The following UBE3C variants were observed in gnomAD, a reference collection of about 807,000 sequenced individuals.
The protein encoded by UBE3C is ubiquitin protein ligase E3C, also known as ubiquitin-protein ligase E3C.
A neutral mutation model predicts 129.4 loss-of-function variants in UBE3C; 42 were observed. The observed-to-expected ratio is 0.32, with a 90% CI of 0.25 to 0.42. UBE3C has a LOEUF of 0.42. UBE3C is among the 10% of genes least tolerant of loss of function. UBE3C has a pLI of 1.00. For missense variants in UBE3C, 1,049 were observed against 1,319.1 expected (o/e 0.80, Z 3.17); for synonymous variants, 510 against 492.4 (o/e 1.04, Z -0.47).
chr7:157,213,075 T>A (rs1346046884), intron 13 of UBE3C, among the ~76,000 whole-genome samples: 3 of 152,200 alleles, frequency 2.0e-5, no homozygotes, highest in African/African-American at 7.2e-5. Context: ...CATTTCTGAA[T>A]AAATTTATTA....
At chr7:157,174,725 T>A (rs1164108024) in intron 4 of UBE3C, among the ~76,000 whole-genome samples, 194 bp from the exon 5 acceptor site, 3 of 152,190 alleles carry the variant, frequency 2.0e-5, no homozygotes, top group Admixed American at 6.5e-5. Context: ...GTTACAGACG[T>A]GAACCACTGT....
At chr7:157,209,814 G>A (rs2117014676) in intron 13 of UBE3C, among the ~76,000 whole-genome samples, 1 of 152,344 alleles carries the variant, frequency 6.6e-6, no homozygotes, top group Middle Eastern at 3.4e-3. Context: ...AGCGTTAAAT[G>A]AAAAGTTTGT....
chr7:157,211,167 GGAGAGAGA>G (rs3039783), intron 13 of UBE3C, among the ~76,000 whole-genome samples: 7 of 137,082 alleles, frequency 5.1e-5, no homozygotes, highest in South Asian at 2.3e-4. Flanking sequence ...CCATATGTCT[GGAGAGAGA>G]GAGAGAGAGA....
chr7:157,201,397 T>C (rs1214395212), intron 10 of UBE3C, among the ~76,000 whole-genome samples: 1 of 151,468 alleles, frequency 6.6e-6, no homozygotes, highest in East Asian at 1.9e-4. Context: ...TAATACGATA[T>C]GTAGCAGAGG....
chr7:157,188,917 C>A, intron 10 of UBE3C: 1 of 648,672 alleles, frequency 1.5e-6, no homozygotes, highest in Non-Finnish European at 2.8e-6. Flanking sequence ...TTAGGATTTG[C>A]CATTTAATTT....
chr7:157,166,512 A>C (rs1206753333), intron 2 of UBE3C, among the ~76,000 whole-genome samples: 1 of 152,114 alleles, frequency 6.6e-6, no homozygotes, highest in Non-Finnish European at 1.5e-5. Context: ...AGGCCGAGGC[A>C]GGCCGATCAC....
intron 13 of UBE3C, among the ~76,000 whole-genome samples, chr7:157,214,157 T>C (rs143453980): frequency 1.3e-5 from 2 of 152,292 alleles, no homozygotes; most frequent in African/African-American, 4.8e-5. Flanking sequence ...GGTACTGGCA[T>C]GTTATATTGG....
intron 11 of UBE3C, among the ~76,000 whole-genome samples, chr7:157,206,877 A>G (rs887253076): frequency 1.3e-5 from 2 of 152,236 alleles, no homozygotes; most frequent in African/African-American, 4.8e-5. Context: ...AGTGGGAGCA[A>G]GGCCACCATA....
At chr7:157,175,275 G>A (rs909589154) in intron 5 of UBE3C, among the ~76,000 whole-genome samples, 4 of 150,702 alleles carry the variant, frequency 2.7e-5, no homozygotes, top group African/African-American at 7.3e-5. Flanking sequence ...TTTCACGGAT[G>A]CCTTTGAATT....
chr7:157,198,127 C>G (rs1258596023), intron 10 of UBE3C: 2 of 1,612,768 alleles, frequency 1.2e-6, no homozygotes, highest in East Asian at 4.5e-5. Flanking sequence ...AATTCTCCAT[C>G]ATCTAAACTG....
At position 157,171,714 on chromosome 7, in the gene UBE3C, T is replaced by A. The variant is rs1808383267; in HGVS notation, c.342+1264T>A. Among the ~76,000 whole-genome samples, 6 of 84,924 alleles carry A rather than the reference T, an allele frequency of 7.1e-5. 1 individual carries two copies. Among genetic ancestry groups the A allele is most frequent in the Non-Finnish European group, 1.1e-4 (5 of 47,086 alleles). 55.7% of individuals were successfully genotyped at this position (84,924 alleles called of 152,430 possible). On this transcript the variant is annotated intron_variant, in intron 4 of 22. Transcript: ENST00000348165. Reference sequence around the variant, plus strand: ...TTTTTTTTTTTTTTTTTTTTTTTTTTTTTTTTTTTTGAGACAGAGTCTTGC... The same window carrying A: ...TTTTTTTTTTTTTTTTTTTTTTTTTATTTTTTTTTTGAGACAGAGTCTTGC...
At chr7:157,229,361 C>A (rs1795960100) in intron 17 of UBE3C, among the ~76,000 whole-genome samples, 1 of 152,210 alleles carries the variant, frequency 6.6e-6, no homozygotes, top group East Asian at 1.9e-4. Flanking sequence ...GTTGCCCAGG[C>A]TGGAGTGCAA....
At chr7:157,263,434 C>T (rs1449195625) in intron 22 of UBE3C, among the ~76,000 whole-genome samples, 1 of 152,098 alleles carries the variant, frequency 6.6e-6, no homozygotes, top group Non-Finnish European at 1.5e-5. Flanking sequence ...GAGGCTGAGG[C>T]GGGCGGATCA....
intron 10 of UBE3C, among the ~76,000 whole-genome samples, chr7:157,195,092 AG>A (rs1220755422): frequency 6.6e-6 from 1 of 152,262 alleles, no homozygotes; most frequent in Non-Finnish European, 1.5e-5. Flanking sequence ...CTAATACTTC[AG>A]AAACATCAAA....
At position 157,269,279 on chromosome 7, in the gene UBE3C, A is replaced by G. The variant is rs531553237; in HGVS notation, c.*1524A>G. 27 of 152,434 alleles carry G rather than the reference A, an allele frequency of 1.8e-4. 1 individual carries two copies. The South Asian group carries it at 5.6e-3, about 32-fold the overall frequency. The allele number at this position is 152,434 out of a possible 1,614,324, so 9.4% of individuals were successfully genotyped here. On this transcript the variant is annotated 3_prime_UTR_variant, in exon 23 of 23. Transcript: ENST00000348165. Reference sequence around the variant, plus strand: ...CTGAAGAGAAATTGACAATTCACTTATTTGTGGTTTTTTTCTCAGCTATTC... The same window carrying G: ...CTGAAGAGAAATTGACAATTCACTTGTTTGTGGTTTTTTTCTCAGCTATTC...
At chr7:157,193,646 C>T (rs1010011161) in intron 10 of UBE3C, among the ~76,000 whole-genome samples, 3 of 149,244 alleles carry the variant, frequency 2.0e-5, no homozygotes, top group Admixed American at 6.8e-5. Context: ...GACTAAATAA[C>T]CTTCAGAAAT....
intron 2 of UBE3C, among the ~76,000 whole-genome samples, chr7:157,167,888 AG>A (rs1368745669): frequency 6.6e-6 from 1 of 152,194 alleles, no homozygotes; most frequent in East Asian, 1.9e-4. Context: ...CAACAGCAGT[AG>A]CACTGGTCAT....
At position 157,183,731 on chromosome 7, in the gene UBE3C, T is replaced by C. The variant is rs1432776507; in HGVS notation, c.992-147T>C. On this transcript the variant is annotated intron_variant, in intron 8 of 22. Coordinates refer to ENST00000348165, the MANE Select transcript of UBE3C (RefSeq NM_014671.3). The stretch of plus-strand genomic sequence containing the variant: ...CATGAACGGGGACAAAATCTAAATA[T>C]GTTTCCTATTATAACACAGTTAGAA... 4.0e-6 allele frequency: 4 copies of C among 1,000,988 alleles called. No individual in the cohort carries two copies. The African/African-American group carries it at 6.5e-5, about 16-fold the overall frequency. 62.0% of individuals were successfully genotyped at this position (1,000,988 alleles called of 1,614,324 possible). A position where few individuals can be genotyped will look rare whatever the true frequency, so the allele number is the denominator to read the frequency against.
chr7:157,215,167 GT>G (rs1332324479), intron 13 of UBE3C, among the ~76,000 whole-genome samples: 23 of 152,138 alleles, frequency 1.5e-4, no homozygotes, highest in Admixed American at 2.6e-4. Context: ...TTACTATGCA[GT>G]TTTATCTGCA....
Sources: gnomAD v4.1 joint callset for allele counts (sites outside exome capture counted in the v4.1 genomes callset) on GRCh38, gnomAD v4.1.1 for gene constraint, MANE v1.5 for transcripts, NCBI Gene and HGNC (gene_info 2026-07-23, HGNC 2026-07-21) for gene names.